DPP6: variants seen among roughly 807,000 people sequenced by gnomAD.
The protein encoded by DPP6 is A-type potassium channel modulatory protein DPP6.
A neutral mutation model predicts 122.6 loss-of-function variants in DPP6; 69 were observed. That is an observed-to-expected ratio of 0.56 (90% CI 0.46 to 0.69). The LOEUF is 0.69. Ranked by LOEUF, DPP6 falls within the 30% of genes least tolerant of loss-of-function variation. The pLI, the probability that DPP6 is intolerant of heterozygous loss-of-function variation, is 0.00. For synonymous variants in DPP6, 418 were observed against 433.1 expected (o/e 0.97, Z 0.43); for missense variants, 928 against 1,116.9 (o/e 0.83, Z 2.41).
chr7:153,933,812 C>T (rs535667549), intron 1 of DPP6, among the ~76,000 whole-genome samples: 7 of 152,312 alleles, frequency 4.6e-5, no homozygotes, highest in Non-Finnish European at 7.3e-5. Flanking sequence ...CCTGTGCAGC[C>T]TACACTGTGC....
chr7:154,079,628 G>A (rs1333357613), intron 1 of DPP6, among the ~76,000 whole-genome samples: 1 of 152,104 alleles, frequency 6.6e-6, no homozygotes. Context: ...GTGGGCCAGG[G>A]TTGGGAGGGT....
intron 1 of DPP6, among the ~76,000 whole-genome samples, chr7:153,957,381 A>G (rs1291104791): frequency 2.6e-5 from 4 of 152,222 alleles, no homozygotes; most frequent in Admixed American, 1.3e-4. Context: ...CCTGTTGTAT[A>G]GATGAGAGAG....
At chr7:153,798,575 C>T in the DPP6 span, among the ~76,000 whole-genome samples, 7 of 152,126 alleles carry the variant, frequency 4.6e-5, no homozygotes, top group African/African-American at 1.7e-4. Context: ...GGCAGCAGTC[C>T]CCAACATTTT....
chr7:154,520,610 T>G (rs1826894965), intron 3 of DPP6, among the ~76,000 whole-genome samples: 1 of 152,244 alleles, frequency 6.6e-6, no homozygotes, highest in Non-Finnish European at 1.5e-5. Flanking sequence ...CCATTAGTCT[T>G]TGCTAGTAGG....
intron 1 of DPP6, among the ~76,000 whole-genome samples, chr7:154,153,798 A>G (rs1271408256): frequency 2.6e-5 from 4 of 152,222 alleles, no homozygotes; most frequent in African/African-American, 7.2e-5. Context: ...CTGTGTACCA[A>G]TAAAACTTTA....
chr7:154,542,398 C>T (rs182013749), intron 4 of DPP6, among the ~76,000 whole-genome samples: 79 of 152,178 alleles, frequency 5.2e-4, no homozygotes, highest in Non-Finnish European at 1.0e-3. Flanking sequence ...ATTTTAATGT[C>T]GGAATGTTAT....
chr7:153,997,153 A>T (rs1797479480), intron 1 of DPP6, among the ~76,000 whole-genome samples: 1 of 152,076 alleles, frequency 6.6e-6, no homozygotes, highest in Admixed American at 6.5e-5. Flanking sequence ...CAGGTCCTAT[A>T]GTGGAAATCA....
intron 1 of DPP6, among the ~76,000 whole-genome samples, chr7:154,180,186 A>G (rs982939678): frequency 2.0e-5 from 3 of 151,852 alleles, no homozygotes; most frequent in African/African-American, 7.3e-5. Flanking sequence ...CGTCTCTACT[A>G]AAAACACAAA....
rs371199115 is a variant in DPP6, at chr7:154,483,788, G to A, written c.457+8751G>A. Among the ~76,000 whole-genome samples, 15 of 152,220 alleles carry A rather than the reference G, an allele frequency of 9.9e-5. No homozygotes were observed. Among genetic ancestry groups the A allele is most frequent in the South Asian group, 2.1e-4 (1 of 4,818 alleles). ...TGGCTCACTGCAACCTCCACCTCCC[G>A]GGTTCAAGCGATTCTCCTGCCTCAG... On this transcript the variant is annotated intron_variant, in intron 3 of 25. Coordinates refer to ENST00000377770, the MANE Select transcript of DPP6 (RefSeq NM_130797.4). The surrounding 1 kb of genome is among the most constrained non-coding windows in gnomAD (Gnocchi z 8.1).
At chr7:154,593,641 T>C (rs1832928956) in intron 5 of DPP6, among the ~76,000 whole-genome samples, 1 of 152,244 alleles carries the variant, frequency 6.6e-6, no homozygotes, top group Non-Finnish European at 1.5e-5. Flanking sequence ...AAGAACGGGC[T>C]GCAGCCCCGG....
intron 3 of DPP6, among the ~76,000 whole-genome samples, chr7:154,507,233 T>C (rs566881595): frequency 5.9e-5 from 9 of 152,246 alleles, no homozygotes; most frequent in African/African-American, 1.9e-4. Flanking sequence ...AAGTAGACAA[T>C]ATTTAGAAAG....
chr7:154,005,053 G>T (rs542886988), intron 1 of DPP6, among the ~76,000 whole-genome samples: 2 of 151,896 alleles, frequency 1.3e-5, no homozygotes, highest in Non-Finnish European at 2.9e-5. Flanking sequence ...AAAAAAAAAA[G>T]CATATGACTT....
rs1306027147 is a variant in DPP6, at chr7:154,061,867, AC to A, written c.243+8810del. ...GATCCCCATCGCTGGGGGCGGAGGC[AC>A]CCCCCGCGAGGCAGGGACTGAGAGG... On this transcript the variant is annotated intron_variant, in intron 1 of 25. Coordinates refer to ENST00000377770, the MANE Select transcript of DPP6 (RefSeq NM_130797.4). Among the ~76,000 whole-genome samples, 30 of 116,082 alleles carry A rather than the reference AC, an allele frequency of 2.6e-4. 1 individual carries two copies. Among genetic ancestry groups the A allele is most frequent in the Non-Finnish European group, 9.0e-5 (5 of 55,838 alleles). The allele number at this position is 116,082 out of a possible 152,430, so 76.2% of individuals were successfully genotyped here.
At chr7:154,723,991 C>T (rs1841945603) in intron 7 of DPP6, among the ~76,000 whole-genome samples, 1 of 152,130 alleles carries the variant, frequency 6.6e-6, no homozygotes, top group South Asian at 2.1e-4. Context: ...TTGTGTAGGA[C>T]AATTTATAGC....
At chr7:154,072,888 G>A (rs1291712382) in intron 1 of DPP6, among the ~76,000 whole-genome samples, 1 of 152,266 alleles carries the variant, frequency 6.6e-6, no homozygotes, top group African/African-American at 2.4e-5. Flanking sequence ...GTAAGTGATG[G>A]CTCTTCCCAC....
intron 18 of DPP6, among the ~76,000 whole-genome samples, chr7:154,869,410 A>G (rs1280046555): frequency 1.3e-5 from 2 of 152,270 alleles, no homozygotes; most frequent in Non-Finnish European, 2.9e-5. Context: ...AAATAGCACG[A>G]GAATTCAGAG....
At chr7:153,867,612 T>A in the DPP6 span, among the ~76,000 whole-genome samples, 1 of 152,216 alleles carries the variant, frequency 6.6e-6, no homozygotes. Context: ...ACAATTTGAC[T>A]TCCTCTTTTC....
At chr7:154,536,812 A>G (rs535846366) in intron 3 of DPP6, among the ~76,000 whole-genome samples, 1 of 152,308 alleles carries the variant, frequency 6.6e-6, no homozygotes, top group South Asian at 2.1e-4. Flanking sequence ...AATATTATTG[A>G]TCACATCACA....
At chr7:154,071,905 G>A (rs920451821) in intron 1 of DPP6, among the ~76,000 whole-genome samples, 2 of 152,092 alleles carry the variant, frequency 1.3e-5, no homozygotes, top group South Asian at 4.1e-4. Flanking sequence ...CTAAAATCTC[G>A]ATCCCTTGAA....
Sources: allele counts gnomAD v4.1 joint callset (sites outside exome capture counted in the v4.1 genomes callset), GRCh38; gene constraint gnomAD v4.1.1; non-coding constraint Gnocchi (gnomAD v3.1); transcripts MANE v1.5; gene names NCBI Gene and HGNC (gene_info 2026-07-23, HGNC 2026-07-21).